The following VPS13B variants were observed in gnomAD, a reference collection of about 807,000 sequenced individuals.
VPS13B encodes the protein intermembrane lipid transfer protein VPS13B.
Under a neutral mutation model 426.4 loss-of-function variants are expected in VPS13B, and 285 were observed. The ratio of observed to expected loss-of-function variants is 0.67; its 90% confidence interval spans 0.61 to 0.74. The LOEUF is 0.74. VPS13B is among the 30% of genes least tolerant of loss of function. The pLI is 0.00. For synonymous variants in VPS13B, 1,676 were observed against 1,676.4 expected (o/e 1.00, Z 0.01); for missense variants, 4,537 against 4,782.6 (o/e 0.95, Z 1.51).
Position 99,470,908 on chromosome 8 carries a change from G to A in VPS13B, c.3666+3274G>A, listed in dbSNP as rs1819369912. ...TTTTAAAATTTTGACAATTTTGACA[G>A]CAGATATAGGAAAAGACACATTCCA... On this transcript the variant is annotated intron_variant, in intron 24 of 61. Transcript: ENST00000357162. Among the ~76,000 whole-genome samples, 4 of 151,966 alleles carry A rather than the reference G, an allele frequency of 2.6e-5. No homozygotes were observed. In the South Asian group the frequency reaches 6.2e-4, roughly 24 times the overall value.
chr8:99,229,305 T>C (rs1389048892), intron 17 of VPS13B, among the ~76,000 whole-genome samples: 2 of 152,198 alleles, frequency 1.3e-5, no homozygotes, highest in Non-Finnish European at 2.9e-5. Context: ...TATTCAGGCA[T>C]TGGCTCTGGG....
intron 19 of VPS13B, among the ~76,000 whole-genome samples, chr8:99,307,310 G>C (rs1248140309): frequency 6.6e-6 from 1 of 151,970 alleles, no homozygotes; most frequent in East Asian, 1.9e-4. Flanking sequence ...TAACTTTTAA[G>C]TTAGCTTGAC....
At chr8:99,082,119 A>G (rs1054807718) in intron 3 of VPS13B, among the ~76,000 whole-genome samples, 1 of 152,098 alleles carries the variant, frequency 6.6e-6, no homozygotes, top group Non-Finnish European at 1.5e-5. Context: ...CCTCTCCAGC[A>G]CCTGTTGTTT....
intron 36 of VPS13B, among the ~76,000 whole-genome samples, chr8:99,708,829 G>GTCTCTCTCTCTC (rs147100515): frequency 1.3e-5 from 2 of 149,570 alleles, no homozygotes; most frequent in East Asian, 2.0e-4. Context: ...CTCTCTCTCT[G>GTCTCTCTCTCTC]TCTCTCTCTC....
chr8:99,100,686 T>C (rs924691922), intron 4 of VPS13B, among the ~76,000 whole-genome samples: 2 of 152,198 alleles, frequency 1.3e-5, no homozygotes, highest in East Asian at 3.9e-4. Flanking sequence ...ATTATACTTC[T>C]ATGCTATTTT....
At chr8:99,212,707 GA>G (rs1815161181) in intron 17 of VPS13B, among the ~76,000 whole-genome samples, 1 of 151,738 alleles carries the variant, frequency 6.6e-6, no homozygotes, top group African/African-American at 2.4e-5. Flanking sequence ...TTTCCATCAT[GA>G]AGAATCTTAA....
chr8:99,751,349 A>G (rs1046836832), intron 39 of VPS13B, among the ~76,000 whole-genome samples: 1 of 152,170 alleles, frequency 6.6e-6, no homozygotes, highest in African/African-American at 2.4e-5. Context: ...GATCTCTTCC[A>G]CTGATAGTTA....
At chr8:99,186,012 G>A (rs1249232257) in intron 16 of VPS13B, among the ~76,000 whole-genome samples, 2 of 152,080 alleles carry the variant, frequency 1.3e-5, no homozygotes, top group African/African-American at 4.8e-5. Flanking sequence ...TCCAAGTTGA[G>A]TTTTAATGAG....
chr8:99,022,823 T>G (rs1392178173), intron 2 of VPS13B, among the ~76,000 whole-genome samples: 1 of 152,178 alleles, frequency 6.6e-6, no homozygotes, highest in Non-Finnish European at 1.5e-5. Flanking sequence ...ATCATGAATC[T>G]CATTGTTTAA....
intron 39 of VPS13B, among the ~76,000 whole-genome samples, chr8:99,728,007 A>G (rs530897228): frequency 6.6e-6 from 1 of 152,356 alleles, no homozygotes; most frequent in African/African-American, 2.4e-5. Flanking sequence ...TTTGGCTCCC[A>G]GTGTAGTCTG....
chr8:99,648,200 A>G (rs1829669594), intron 34 of VPS13B, among the ~76,000 whole-genome samples: 1 of 152,240 alleles, frequency 6.6e-6, no homozygotes, highest in African/African-American at 2.4e-5. Flanking sequence ...GAAACCAGTA[A>G]TAAGACTCAG....
intron 31 of VPS13B, among the ~76,000 whole-genome samples, chr8:99,563,492 G>T (rs950036017): frequency 4.0e-5 from 6 of 151,630 alleles, no homozygotes; most frequent in Admixed American, 2.6e-4. Context: ...GTTCACATAG[G>T]TACAAAATAG....
chr8:99,426,013 A>C (rs1816682630), intron 21 of VPS13B, among the ~76,000 whole-genome samples: 1 of 148,620 alleles, frequency 6.7e-6, no homozygotes, highest in Admixed American at 6.7e-5. Flanking sequence ...TGCACCCACT[A>C]ACTCGTCATC....
intron 51 of VPS13B, among the ~76,000 whole-genome samples, chr8:99,828,394 G>GTTTTTTTTTTTTTTT (rs555108452): frequency 0.021 from 367 of 17,436 alleles, 132 homozygotes; most frequent in South Asian, 0.04. Context: ...TACAACCACC[G>GTTTTTTTTTTTTTTT]TTTTTTTTTT....
Position 99,699,807 on chromosome 8 carries a change from C to A in VPS13B, c.6329C>A (p.Ser2110Tyr). Residue 2110 changes from serine to tyrosine, a missense_variant, in exon 36 of 62, where the codon TCT becomes TAT. This residue lies in a region of VPS13B where 4,311 missense variants were observed against 4,474.3 expected (regional missense o/e 0.96). Transcript: ENST00000357162. ...WRAVSCFQKI[S>Y]VQTTQIVISM... is the part of the protein sequence containing the mutation. ...GCTGTTTCCTGCTTTCAAAAAATTT[C>A]TGTTCAAACTACTCAGATTGTGATC... is the stretch of plus-strand genomic sequence containing the variant. 6.2e-7 allele frequency: 1 copy of A among 1,613,860 alleles called. No homozygotes were observed.
intron 43 of VPS13B, among the ~76,000 whole-genome samples, chr8:99,791,251 G>C (rs1812522133): frequency 6.6e-6 from 1 of 152,056 alleles, no homozygotes; most frequent in Non-Finnish European, 1.5e-5. Context: ...CTGATTGTAG[G>C]GATGGCCAAC....
At chr8:99,429,963 C>T (rs1341539143) in intron 21 of VPS13B, among the ~76,000 whole-genome samples, 3 of 152,078 alleles carry the variant, frequency 2.0e-5, no homozygotes, top group Admixed American at 2.0e-4. Flanking sequence ...CACCCTTGCT[C>T]ACTCTGCTGA....
At chr8:99,854,314 T>G (rs1816443079) in intron 56 of VPS13B, 58 bp downstream of exon 56, 2 of 1,565,468 alleles carry the variant, frequency 1.3e-6, no homozygotes, top group Non-Finnish European at 1.7e-6. Flanking sequence ...AATGACACGC[T>G]TGGGGGTAGC....
intron 21 of VPS13B, among the ~76,000 whole-genome samples, chr8:99,405,307 C>T (rs1207218431): frequency 6.6e-6 from 1 of 152,138 alleles, no homozygotes; most frequent in African/African-American, 2.4e-5. Context: ...AACTGTGTAC[C>T]TTTCCCCGAA....
Sources: allele counts gnomAD v4.1 joint callset (sites outside exome capture counted in the v4.1 genomes callset), GRCh38; gene constraint gnomAD v4.1.1; regional missense constraint gnomAD v4.1.1; transcripts MANE v1.5; gene names NCBI Gene and HGNC (gene_info 2026-07-23, HGNC 2026-07-21).